The following SNTG1 variants were observed in gnomAD, a reference collection of about 807,000 sequenced individuals.
SNTG1 encodes gamma-1-syntrophin.
Under a neutral mutation model 74.7 loss-of-function variants are expected in SNTG1, and 39 were observed. That is an observed-to-expected ratio of 0.52 (90% CI 0.40 to 0.68). The LOEUF (loss-of-function observed/expected upper bound fraction) is 0.68, where lower values mean the gene tolerates loss of function less well. SNTG1 is among the 30% of genes least tolerant of loss of function. SNTG1 has a pLI of 0.00. For missense variants in SNTG1, 685 were observed against 609.5 expected (o/e 1.12, Z -1.30); for synonymous variants, 254 against 217.1 (o/e 1.17, Z -1.49).
chr8:50,685,550 G>T (rs1251582971), intron 15 of SNTG1, among the ~76,000 whole-genome samples: 1 of 151,960 alleles, frequency 6.6e-6, no homozygotes, highest in African/African-American at 2.4e-5. Context: ...TTTGTCATTT[G>T]GTCTTTTCAA....
intron 13 of SNTG1, among the ~76,000 whole-genome samples, chr8:50,601,595 G>A (rs1049690605): frequency 2.0e-5 from 3 of 152,148 alleles, no homozygotes; most frequent in Admixed American, 2.0e-4. Context: ...TGTTTATTCT[G>A]AAGCTGTTGG....
Position 50,656,892 on chromosome 8 carries a change from A to T in SNTG1, c.850-17A>T. 2 of 1,539,668 alleles carry T rather than the reference A, an allele frequency of 1.3e-6. No homozygotes were observed. The highest frequency in any genetic ancestry group is 1.1e-5 in the South Asian group (1 of 87,700). On this transcript the variant is annotated splice_polypyrimidine_tract_variant and intron_variant, in intron 13 of 18. Transcript: ENST00000642720. ...ATAAGAAGTTTTGACAGTTGATTGT[A>T]TTCCATTTTCTTGCAGATTGTCTAC...
chr8:50,127,660 C>T (rs1293865369), intron 1 of SNTG1, among the ~76,000 whole-genome samples: 1 of 152,122 alleles, frequency 6.6e-6, no homozygotes, highest in Non-Finnish European at 1.5e-5. Context: ...CAGTTTTCTG[C>T]CACTCTTGTT....
intron 1 of SNTG1, among the ~76,000 whole-genome samples, chr8:50,046,445 A>T (rs998698932): frequency 2.0e-5 from 3 of 152,226 alleles, no homozygotes; most frequent in African/African-American, 7.2e-5. Flanking sequence ...AAGGGCTGTT[A>T]TCAAGAAAGA....
intron 12 of SNTG1, among the ~76,000 whole-genome samples, chr8:50,579,662 A>G (rs948695523): frequency 3.4e-4 from 52 of 152,324 alleles, no homozygotes; most frequent in African/African-American, 1.2e-3. Context: ...AATAAAAAAA[A>G]GGGGGCCAAT....
At chr8:50,202,252 T>C (rs568314260) in intron 2 of SNTG1, among the ~76,000 whole-genome samples, 2 of 152,290 alleles carry the variant, frequency 1.3e-5, no homozygotes, top group Non-Finnish European at 2.9e-5. Context: ...TCTATGGTTT[T>C]TGACAAATGG....
intron 15 of SNTG1, among the ~76,000 whole-genome samples, chr8:50,694,947 G>A (rs2095398415): frequency 1.3e-5 from 2 of 148,942 alleles, no homozygotes; most frequent in South Asian, 4.2e-4. Flanking sequence ...ACACAATAAA[G>A]GCCATATATG....
chr8:50,028,841 A>G (rs772186560), intron 1 of SNTG1, among the ~76,000 whole-genome samples: 70 of 152,158 alleles, frequency 4.6e-4, no homozygotes, highest in Non-Finnish European at 8.8e-4. Flanking sequence ...ATAAGATTCC[A>G]TTATTGTCTT....
At chr8:49,971,159 A>T (rs1206392124) in intron 1 of SNTG1, among the ~76,000 whole-genome samples, 1 of 152,174 alleles carries the variant, frequency 6.6e-6, no homozygotes, top group Non-Finnish European at 1.5e-5. Flanking sequence ...CACATCAAAA[A>T]GCTTATTCAC....
chr8:50,066,836 C>G (rs1221420750), intron 1 of SNTG1, among the ~76,000 whole-genome samples: 2 of 152,126 alleles, frequency 1.3e-5, no homozygotes, highest in African/African-American at 2.4e-5. Flanking sequence ...TAGCTAGTCA[C>G]CAGTGGTTTC....
intron 13 of SNTG1, among the ~76,000 whole-genome samples, chr8:50,645,519 C>A (rs905109931): frequency 1.3e-5 from 2 of 151,738 alleles, no homozygotes; most frequent in African/African-American, 2.4e-5. Flanking sequence ...CCTTGTGTGG[C>A]TTATAAATTT....
At chr8:50,773,975 G>A (rs2095633658) in intron 18 of SNTG1, among the ~76,000 whole-genome samples, 1 of 151,998 alleles carries the variant, frequency 6.6e-6, no homozygotes, top group Non-Finnish European at 1.5e-5. Flanking sequence ...AAAATTCTGA[G>A]ATGAACTGAA....
chr8:50,770,103 A>G (rs1490253465), intron 18 of SNTG1, among the ~76,000 whole-genome samples: 16 of 152,282 alleles, frequency 1.1e-4, no homozygotes, highest in African/African-American at 3.4e-4. Context: ...ATCTATGCCT[A>G]TAAACGCTGG....
At chr8:50,444,831 G>A (rs1344230200) in intron 5 of SNTG1, among the ~76,000 whole-genome samples, 1 of 151,292 alleles carries the variant, frequency 6.6e-6, no homozygotes, top group Non-Finnish European at 1.5e-5. Flanking sequence ...CCAAAAATGA[G>A]TTGAAACCAC....
At chr8:50,517,515 G>T (rs745737865) in intron 9 of SNTG1, among the ~76,000 whole-genome samples, 1 of 146,220 alleles carries the variant, frequency 6.8e-6, no homozygotes, top group Non-Finnish European at 1.5e-5. Flanking sequence ...AAAGAGTCAA[G>T]AACCACTGGT....
intron 2 of SNTG1, among the ~76,000 whole-genome samples, chr8:50,302,257 A>G (rs892241228): frequency 3.3e-5 from 5 of 152,150 alleles, no homozygotes; most frequent in Non-Finnish European, 7.3e-5. Context: ...TGCCCCACTA[A>G]GGGTTCAGTT....
chr8:49,979,994 C>A (rs1456457065), intron 1 of SNTG1, among the ~76,000 whole-genome samples: 1 of 152,188 alleles, frequency 6.6e-6, no homozygotes, highest in Non-Finnish European at 1.5e-5. Context: ...TTGACAGACA[C>A]ACTCATATTG....
intron 1 of SNTG1, among the ~76,000 whole-genome samples, chr8:50,103,156 G>T (rs2131249140): frequency 6.6e-6 from 1 of 152,248 alleles, no homozygotes; most frequent in African/African-American, 2.4e-5. Flanking sequence ...TGGGCCGTAT[G>T]GCCATTTTCA....
At chr8:50,475,809 A>G (rs1449511788) in intron 8 of SNTG1, among the ~76,000 whole-genome samples, 3 of 152,242 alleles carry the variant, frequency 2.0e-5, no homozygotes, top group Non-Finnish European at 2.9e-5. Context: ...ATGCATTACA[A>G]AGAAAGTGCT....
Sources: allele counts gnomAD v4.1 joint callset (sites outside exome capture counted in the v4.1 genomes callset), GRCh38; gene constraint gnomAD v4.1.1; transcripts MANE v1.5; gene names NCBI Gene and HGNC (gene_info 2026-07-23, HGNC 2026-07-21).